The following CPQ variants were observed in gnomAD, a reference collection of about 807,000 sequenced individuals.
The protein encoded by CPQ is carboxypeptidase Q.
CPQ carries 37 observed loss-of-function variants against 45.7 expected under a neutral mutation model. That is an observed-to-expected ratio of 0.81 (90% CI 0.62 to 1.07). The LOEUF is 1.07. Among genes scored for constraint, CPQ ranks in the 50% least tolerant of loss-of-function variants. The pLI, the probability that CPQ is intolerant of heterozygous loss-of-function variation, is 0.00. For synonymous variants in CPQ, 186 were observed against 205.8 expected (o/e 0.90, Z 0.82); for missense variants, 537 against 572.9 (o/e 0.94, Z 0.64).
chr8:97,076,439 C>T (rs1356450781), intron 7 of CPQ, among the ~76,000 whole-genome samples: 1 of 152,112 alleles, frequency 6.6e-6, no homozygotes, highest in Non-Finnish European at 1.5e-5. Context: ...TCCCAATTGT[C>T]TTCATACTTC....
intron 5 of CPQ, among the ~76,000 whole-genome samples, chr8:97,001,332 G>A (rs1809276604): frequency 6.6e-6 from 1 of 152,114 alleles, no homozygotes; most frequent in Non-Finnish European, 1.5e-5. Flanking sequence ...GATTTTCAAG[G>A]GGAATGCTTC....
intron 7 of CPQ, among the ~76,000 whole-genome samples, chr8:97,142,026 T>C (rs561037160): frequency 2.8e-4 from 42 of 152,296 alleles, no homozygotes; most frequent in Admixed American, 7.2e-4. Context: ...TGGGTACCTC[T>C]GGAGGGAGGA....
At position 96,743,507 on chromosome 8, in the gene CPQ, C is replaced by T. The variant is rs372764688; in HGVS notation, c.-34-41357C>T. ...AGTCATTCTCCATCCAGCTTTGTTC[C>T]GTTGCTGGTGAGGAACTGCATTCCT... On this transcript the variant is annotated intron_variant, in intron 1 of 7. Coordinates refer to ENST00000220763, the MANE Select transcript of CPQ (RefSeq NM_016134.4). Among the ~76,000 whole-genome samples the T allele has an allele frequency of 2.8e-4, 43 of 152,176 alleles. 1 individual carries two copies. Among genetic ancestry groups the T allele is most frequent in the East Asian group, 2.5e-3 (13 of 5,182 alleles).
At chr8:96,930,619 T>C (rs753224489) in intron 4 of CPQ, among the ~76,000 whole-genome samples, 2 of 152,208 alleles carry the variant, frequency 1.3e-5, no homozygotes, top group Non-Finnish European at 2.9e-5. Flanking sequence ...AAAGACTTCG[T>C]TCCTCTTCTG....
intron 1 of CPQ, among the ~76,000 whole-genome samples, chr8:96,678,726 C>T (rs940353820): frequency 1.4e-5 from 2 of 140,652 alleles, no homozygotes; most frequent in African/African-American, 2.6e-5. Flanking sequence ...CTCTTCAGAC[C>T]CTTTGCCCAC....
chr8:97,071,864 T>A (rs1810749755), intron 7 of CPQ, among the ~76,000 whole-genome samples: 1 of 152,174 alleles, frequency 6.6e-6, no homozygotes, highest in Non-Finnish European at 1.5e-5. Flanking sequence ...CGTTGGTTCT[T>A]TACATCTTTC....
intron 6 of CPQ, among the ~76,000 whole-genome samples, chr8:97,029,786 G>A (rs1809865651): frequency 6.6e-6 from 1 of 152,108 alleles, no homozygotes; most frequent in Admixed American, 6.5e-5. Context: ...CTGTATTCAT[G>A]TATGTCAGAG....
intron 4 of CPQ, among the ~76,000 whole-genome samples, chr8:96,954,683 T>C (rs1473720302): frequency 1.3e-5 from 2 of 152,122 alleles, no homozygotes; most frequent in African/African-American, 2.4e-5. Flanking sequence ...GCCATGTTGG[T>C]GTGCTGCACC....
intron 7 of CPQ, among the ~76,000 whole-genome samples, chr8:97,111,405 G>A (rs1811496316): frequency 6.6e-6 from 1 of 152,126 alleles, no homozygotes; most frequent in Non-Finnish European, 1.5e-5. Context: ...TAGCTTCCTG[G>A]ACTTCTAAAT....
intron 1 of CPQ, among the ~76,000 whole-genome samples, chr8:96,701,303 T>G (rs1809454987): frequency 6.6e-6 from 1 of 152,158 alleles, no homozygotes; most frequent in African/African-American, 2.4e-5. Flanking sequence ...AAATAAATTC[T>G]AGGAAGCGTC....
chr8:96,860,540 A>C (rs1455992891), intron 3 of CPQ, among the ~76,000 whole-genome samples: 1 of 152,052 alleles, frequency 6.6e-6, no homozygotes, highest in East Asian at 1.9e-4. Context: ...GACCATGAGG[A>C]GTGGGAAAGT....
intron 4 of CPQ, among the ~76,000 whole-genome samples, chr8:96,944,898 G>T (rs1252637964): frequency 2.0e-5 from 3 of 151,892 alleles, no homozygotes; most frequent in South Asian, 4.1e-4. Flanking sequence ...TTTATGGATT[G>T]TACTTCCTAG....
chr8:96,684,414 A>G (rs1809195981), intron 1 of CPQ, among the ~76,000 whole-genome samples: 1 of 152,114 alleles, frequency 6.6e-6, no homozygotes, highest in Non-Finnish European at 1.5e-5. Flanking sequence ...GTCCTTGGGT[A>G]CCAGTGGTGT....
chr8:96,942,602 G>C (rs182616623), intron 4 of CPQ, among the ~76,000 whole-genome samples: 508 of 152,300 alleles, frequency 3.3e-3, no homozygotes, highest in African/African-American at 0.012. Context: ...TTATGGCTCA[G>C]TCCCATGACC....
chr8:96,824,284 A>C (rs751614414), intron 2 of CPQ, among the ~76,000 whole-genome samples: 1 of 152,016 alleles, frequency 6.6e-6, no homozygotes, highest in African/African-American at 2.4e-5. Flanking sequence ...TTTCATGTCA[A>C]TATATTTACC....
intron 1 of CPQ, among the ~76,000 whole-genome samples, chr8:96,716,510 C>T (rs889113161): frequency 2.6e-5 from 4 of 152,134 alleles, no homozygotes; most frequent in Non-Finnish European, 5.9e-5. Flanking sequence ...TTCCCAAAGT[C>T]CACTATATCA....
chr8:96,720,521 C>T (rs980366666), intron 1 of CPQ, among the ~76,000 whole-genome samples: 4 of 152,168 alleles, frequency 2.6e-5, no homozygotes, highest in Non-Finnish European at 5.9e-5. Context: ...CTAGGTGCTG[C>T]CTAAGCCCCT....
At chr8:97,093,987 T>C (rs1811170311) in intron 7 of CPQ, among the ~76,000 whole-genome samples, 1 of 152,160 alleles carries the variant, frequency 6.6e-6, no homozygotes, top group African/African-American at 2.4e-5. Flanking sequence ...CAAATAAAGG[T>C]AGGGAATGCC....
intron 7 of CPQ, among the ~76,000 whole-genome samples, chr8:97,137,165 C>T (rs1355574435): frequency 6.6e-6 from 1 of 152,210 alleles, no homozygotes; most frequent in Non-Finnish European, 1.5e-5. Context: ...TTCTTCAAGT[C>T]ACTAGTTCTA....
Sources: allele counts gnomAD v4.1 joint callset (sites outside exome capture counted in the v4.1 genomes callset), GRCh38; gene constraint gnomAD v4.1.1; transcripts MANE v1.5; gene names NCBI Gene and HGNC (gene_info 2026-07-23, HGNC 2026-07-21).